Variants in SPICE1 observed in about 807,000 individuals in gnomAD.
SPICE1 encodes the protein spindle and centriole associated protein 1.
In SPICE1, 75 loss-of-function variants were observed where a neutral mutation model predicts 102.7. That is an observed-to-expected ratio of 0.73 (90% CI 0.61 to 0.88). The LOEUF (loss-of-function observed/expected upper bound fraction) is 0.88, where lower values mean the gene tolerates loss of function less well. SPICE1 is among the 40% of genes least tolerant of loss of function. SPICE1 has a pLI of 0.00. For missense variants in SPICE1, 979 were observed against 1,020.1 expected, an observed-to-expected ratio of 0.96 and a Z score of 0.55; for synonymous variants, 308 against 350.3, an observed-to-expected ratio of 0.88 and a Z score of 1.35.
intron 7 of SPICE1, among the ~76,000 whole-genome samples, chr3:113,473,286 T>A (rs1178820557): frequency 1.3e-5 from 2 of 152,002 alleles, no homozygotes; most frequent in African/African-American, 4.8e-5. Flanking sequence ...TGGGACTATG[T>A]GAAAAGACCA....
chr3:113,469,116 G>A lies in SPICE1; in HGVS notation c.734C>T (p.Ser245Leu). The change falls in exon 8 of 18, where the codon TCA (serine) becomes TTA (leucine). Residue 245 changes from serine to leucine, a missense_variant. By Grantham distance (145) the Ser-to-Leu change is moderately radical (BLOSUM62 -2). Coordinates refer to ENST00000295872, the MANE Select transcript of SPICE1 (RefSeq NM_144718.4). ...TPPGTPSSALSSGEQRAALNA... is the reference protein window; with the variant it reads ...TPPGTPSSALLSGEQRAALNA... The stretch of plus-strand genomic sequence containing the variant: ...AAACAAACCTCTTTGCTCCCCTGAT[G>A]AAAGAGCAGATGATGGCGTTCCTGG... 1 of 1,613,152 alleles carries A rather than the reference G, an allele frequency of 6.2e-7. No homozygotes were observed.
rs151293512 is a variant in SPICE1, at chr3:113,483,221, T to C, written c.611+5724A>G. Reference sequence around the variant, plus strand: ...GCTCTCTGTTTGTCTGTTATTGGTGTATAAGAATGCTTGTGATTTTTGCAC... The same window carrying C: ...GCTCTCTGTTTGTCTGTTATTGGTGCATAAGAATGCTTGTGATTTTTGCAC... On this transcript the variant is annotated intron_variant, in intron 7 of 17. Transcript: ENST00000295872. Among the ~76,000 whole-genome samples the C allele has an allele frequency of 4.7e-3, 714 of 152,310 alleles. 7 individuals are homozygous for C. The highest frequency in any genetic ancestry group is 0.017 in the African/African-American group (693 of 41,572).
chr3:113,461,300 C>T (rs1292393796), intron 11 of SPICE1, among the ~76,000 whole-genome samples: 1 of 150,814 alleles, frequency 6.6e-6, no homozygotes, highest in Non-Finnish European at 1.5e-5. Context: ...TATAGATATT[C>T]TCATCTTTGT....
At chr3:113,478,674 C>T (rs1465353957) in intron 7 of SPICE1, among the ~76,000 whole-genome samples, 2 of 152,024 alleles carry the variant, frequency 1.3e-5, no homozygotes, top group Non-Finnish European at 2.9e-5. Context: ...TTTAATACAC[C>T]ATTCTCAGAA....
intron 7 of SPICE1, among the ~76,000 whole-genome samples, chr3:113,481,692 T>C (rs1486426840): frequency 2.0e-5 from 3 of 152,174 alleles, no homozygotes; most frequent in Non-Finnish European, 4.4e-5. Context: ...CTTATGTTAG[T>C]TTGCTGAGAA....
At chr3:113,495,160 G>C (rs1285151515) in intron 4 of SPICE1, among the ~76,000 whole-genome samples, 1 of 152,158 alleles carries the variant, frequency 6.6e-6, no homozygotes, top group African/African-American at 2.4e-5. Flanking sequence ...ATAATTAAAA[G>C]TAAGGCCACA....
intron 7 of SPICE1, among the ~76,000 whole-genome samples, chr3:113,480,257 C>T (rs1576636629): frequency 6.6e-6 from 1 of 150,404 alleles, no homozygotes; most frequent in East Asian, 1.9e-4. Flanking sequence ...CAAATAGTTT[C>T]AAAGGAGGAA....
intron 7 of SPICE1, among the ~76,000 whole-genome samples, chr3:113,488,242 C>T (rs536807489): frequency 2.6e-5 from 4 of 152,306 alleles, no homozygotes; most frequent in African/African-American, 9.6e-5. Flanking sequence ...TTGGGAACCA[C>T]ACACTGAATT....
chr3:113,469,111 C>G lies in SPICE1; in HGVS notation c.739G>C (p.Gly247Arg), dbSNP rs1318886595. The G allele has an allele frequency of 6.2e-7, 1 of 1,612,910 alleles. No individual in the cohort carries two copies. Among genetic ancestry groups the G allele is most frequent in the South Asian group, 1.1e-5 (1 of 90,884 alleles). Residue 247 changes from glycine to arginine, a missense_variant, in exon 8 of 18, where the codon GGG (glycine) becomes CGG (arginine). Gly to Arg is a moderately radical substitution (Grantham distance 125). Transcript: ENST00000295872. ...PGTPSSALSS[G>R]EQRAALNATN... Reference sequence around the variant, plus strand: ...AAGGGAAACAAACCTCTTTGCTCCCCTGATGAAAGAGCAGATGATGGCGTT... The same window carrying G: ...AAGGGAAACAAACCTCTTTGCTCCCGTGATGAAAGAGCAGATGATGGCGTT...
At position 113,464,256 on chromosome 3, in the gene SPICE1, GTTT is replaced by G. The variant is rs1186073353; in HGVS notation, c.1287+1394_1287+1396del. On this transcript the variant is annotated intron_variant, in intron 11 of 17. Transcript: ENST00000295872. The stretch of plus-strand genomic sequence containing the variant: ...TTGTGTGTGGTTTCAGTTTTTTGTT[GTTT>G]TTTTTTTTTTTTTTAGAGACAGGGT... Among the ~76,000 whole-genome samples, 183 of 127,908 alleles carry G rather than the reference GTTT, an allele frequency of 1.4e-3. 1 individual carries two copies. Among genetic ancestry groups the G allele is most frequent in the African/African-American group, 3.7e-3 (131 of 35,126 alleles). 83.9% of individuals were successfully genotyped at this position (127,908 alleles called of 152,430 possible).
intron 4 of SPICE1, among the ~76,000 whole-genome samples, chr3:113,496,248 C>T (rs898143954): frequency 2.6e-5 from 4 of 151,988 alleles, no homozygotes; most frequent in Non-Finnish European, 5.9e-5. Flanking sequence ...TTGGCTTTTA[C>T]TTCTTCTTTC....
At chr3:113,507,663 T>A (rs1227448728) in intron 1 of SPICE1, among the ~76,000 whole-genome samples, 2 of 152,142 alleles carry the variant, frequency 1.3e-5, no homozygotes, top group African/African-American at 4.8e-5. Flanking sequence ...ACAAGTCACA[T>A]ACAAGTTAGA....
In SPICE1 at chr3:113,457,280, A is replaced by G; in HGVS notation, c.1513T>C (p.Leu505=). Residue 505 remains leucine, a synonymous_variant, in exon 13 of 18, where the codon TTG becomes CTG. Transcript: ENST00000295872. ...GGCACCTGAGACAGTTTAACGGGCA[A>G]CTCTTCCTGTGGGAATTCAGCCACT... ...EEVAEFPQEE[L]PVKLSQVPDP... 11 of 1,614,104 alleles carry G rather than the reference A, an allele frequency of 6.8e-6. No individual in the cohort carries two copies. The highest frequency in any genetic ancestry group is 8.5e-6 in the Non-Finnish European group (10 of 1,180,010).
intron 3 of SPICE1, among the ~76,000 whole-genome samples, chr3:113,501,874 T>C (rs1011460068): frequency 1.5e-4 from 23 of 152,338 alleles, no homozygotes; most frequent in Non-Finnish European, 1.5e-5. Context: ...GGAGAAATTA[T>C]ATGACTCAGC....
chr3:113,499,930 AT>A (rs1416711467), intron 3 of SPICE1, among the ~76,000 whole-genome samples: 2 of 151,390 alleles, frequency 1.3e-5, no homozygotes, highest in East Asian at 1.9e-4. Flanking sequence ...CAAAACCAGC[AT>A]TTTTTTTTAA....
chr3:113,502,552 A>G (rs1937029020), intron 3 of SPICE1, among the ~76,000 whole-genome samples: 1 of 152,078 alleles, frequency 6.6e-6, no homozygotes, highest in Non-Finnish European at 1.5e-5. Flanking sequence ...AAACATTCCA[A>G]AATTAGATAG....
At chr3:113,460,260 C>G in intron 12 of SPICE1, 1 of 980,742 alleles carries the variant, frequency 1.0e-6, no homozygotes, top group Non-Finnish European at 1.2e-6. Context: ...TGCTAGCACT[C>G]TCTTTGGTCT....
chr3:113,477,249 C>G (rs1466673391), intron 7 of SPICE1, among the ~76,000 whole-genome samples: 3 of 152,074 alleles, frequency 2.0e-5, no homozygotes, highest in Non-Finnish European at 4.4e-5. Context: ...TCATCTCACA[C>G]CAGTTAGAAT....
At chr3:113,487,701 C>T (rs1280498983) in intron 7 of SPICE1, among the ~76,000 whole-genome samples, 1 of 152,044 alleles carries the variant, frequency 6.6e-6, no homozygotes, top group African/African-American at 2.4e-5. Flanking sequence ...AAATAAACAT[C>T]AAAATAAATA....
Sources: gnomAD v4.1 joint callset for allele counts (sites outside exome capture counted in the v4.1 genomes callset) on GRCh38, gnomAD v4.1.1 for gene constraint, MANE v1.5 for transcripts, NCBI Gene and HGNC (gene_info 2026-07-23, HGNC 2026-07-21) for gene names.